Variants in MAGI2 observed in about 807,000 individuals in gnomAD.
The protein encoded by MAGI2 is membrane associated guanylate kinase, WW and PDZ domain containing 2, also known as membrane-associated guanylate kinase, WW and PDZ domain-containing protein 2.
A neutral mutation model predicts 133.3 loss-of-function variants in MAGI2; 35 were observed. That is an observed-to-expected ratio of 0.26 (90% confidence interval 0.20 to 0.35). The LOEUF (loss-of-function observed/expected upper bound fraction) is 0.35, where lower values mean the gene tolerates loss of function less well. MAGI2 is among the 10% of genes least tolerant of loss of function. The pLI, the probability that MAGI2 is intolerant of heterozygous loss-of-function variation, is 1.00. For missense variants in MAGI2, 1,636 were observed against 1,863.4 expected (o/e 0.88, Z 2.25); for synonymous variants, 729 against 710.6 (o/e 1.03, Z -0.41).
At chr7:79,351,090 G>A (rs989305462) in intron 1 of MAGI2, among the ~76,000 whole-genome samples, 1 of 152,070 alleles carries the variant, frequency 6.6e-6, no homozygotes, top group South Asian at 2.1e-4. Flanking sequence ...CTAAAACCAG[G>A]AAAAGTTGTA....
At chr7:79,086,634 T>G (rs962960214) in intron 1 of MAGI2, among the ~76,000 whole-genome samples, 3 of 151,858 alleles carry the variant, frequency 2.0e-5, no homozygotes, top group African/African-American at 7.2e-5. Context: ...TGGTTCTTAC[T>G]CTGCCATTCT....
intron 2 of MAGI2, among the ~76,000 whole-genome samples, chr7:78,789,685 C>T (rs1299797288): frequency 2.6e-5 from 4 of 152,260 alleles, no homozygotes; most frequent in African/African-American, 9.6e-5. Context: ...TTTATCATTT[C>T]CTAGTGTTAC....
chr7:79,124,802 GA>G, intron 1 of MAGI2: 1 of 164,716 alleles, frequency 6.1e-6, no homozygotes, highest in Non-Finnish European at 1.3e-5. Context: ...GTTGAGCTTT[GA>G]AACAACCCAT....
chr7:79,113,573 T>G (rs1819128618), intron 1 of MAGI2, among the ~76,000 whole-genome samples: 1 of 152,208 alleles, frequency 6.6e-6, no homozygotes, highest in Non-Finnish European at 1.5e-5. Context: ...CTGATCAAGA[T>G]GTTCATCTGT....
rs568112118 is a variant in MAGI2, at chr7:78,027,387, G to A, written c.3707-7411C>T. ...TCACACCTGTAATCCCAGCACTTTG[G>A]GAAGCCAAGGCGGGTGGATCACCTG... On this transcript the variant is annotated intron_variant, in intron 21 of 21. Coordinates refer to ENST00000354212, the MANE Select transcript of MAGI2 (RefSeq NM_012301.4). Among the ~76,000 whole-genome samples the A allele has an allele frequency of 5.4e-4, 82 of 152,242 alleles. 1 individual carries two copies. The highest frequency in any genetic ancestry group is 1.9e-3 in the African/African-American group (80 of 41,546).
At chr7:79,396,028 G>A (rs1044473845) in intron 1 of MAGI2, among the ~76,000 whole-genome samples, 1 of 151,960 alleles carries the variant, frequency 6.6e-6, no homozygotes, top group Non-Finnish European at 1.5e-5. Context: ...ATAAGGCTGG[G>A]GATTTCTTGA....
chr7:78,777,376 G>T (rs1038919182), intron 2 of MAGI2, among the ~76,000 whole-genome samples: 9 of 152,036 alleles, frequency 5.9e-5, no homozygotes, highest in African/African-American at 2.2e-4. Flanking sequence ...ATAGTTATCA[G>T]GCATTAAATA....
intron 6 of MAGI2, among the ~76,000 whole-genome samples, chr7:78,425,180 T>C (rs995414638): frequency 1.3e-5 from 2 of 152,206 alleles, no homozygotes; most frequent in East Asian, 1.9e-4. Flanking sequence ...GTTCTCATAA[T>C]GATGAATGAG....
intron 6 of MAGI2, among the ~76,000 whole-genome samples, chr7:78,403,005 T>C (rs944887930): frequency 1.3e-5 from 2 of 152,236 alleles, no homozygotes; most frequent in African/African-American, 4.8e-5. Flanking sequence ...AATTAACTTT[T>C]TTTTTAAAAT....
At chr7:78,636,812 C>A (rs186603842) in intron 2 of MAGI2, among the ~76,000 whole-genome samples, 192 of 151,640 alleles carry the variant, frequency 1.3e-3, no homozygotes, top group Admixed American at 3.1e-3. Context: ...AACAAAAAAA[C>A]CAAAACCAAA....
At chr7:78,255,406 C>A in intron 10 of MAGI2, 1 of 195,356 alleles carries the variant, frequency 5.1e-6, no homozygotes, top group Non-Finnish European at 1.0e-5. Flanking sequence ...CAGCATCATT[C>A]CAAACTGTGA....
rs1563117665 is a variant in MAGI2 at position 78,521,617 on chromosome 7, T to G, written c.567A>C (p.Pro189=). 1 of 1,614,144 alleles carries G rather than the reference T, an allele frequency of 6.2e-7. No individual in the cohort carries two copies. The highest frequency in any genetic ancestry group is 8.5e-7 in the Non-Finnish European group (1 of 1,180,008). ...EDNYYGTPKP[P]AEPAPLLLNV... ...TTAACAATAATGGTGCTGGTTCTGC[T>G]GGCGGCTTTGGGGTACCGTAGTAAT... Residue 189 remains proline (P), a synonymous_variant, in exon 4 of 22, where the codon CCA becomes CCC. Transcript: ENST00000354212.
rs1294387014 is a variant in MAGI2, at chr7:78,019,500, C to T, written c.4183G>A (p.Gly1395Ser). Residue 1395 changes from glycine to serine, a missense_variant, in exon 22 of 22, where the codon GGC (glycine) becomes AGC (serine). By Grantham distance (56) the Gly-to-Ser change is moderately conservative (BLOSUM62 0). Transcript: ENST00000354212. ...AAPAFAGPGG[G>S]GSGALEAEGR... is the part of the protein sequence containing the mutation. ...TCGGCCTCCAGCGCGCCGCTGCCGC[C>T]GCCGCCCGGGCCGGCAAACGCCGGC... The T allele has an allele frequency of 2.8e-5, 27 of 980,290 alleles. No homozygotes were observed. In the South Asian group the frequency reaches 5.5e-4, roughly 20 times the overall value. The allele number at this position is 980,290 out of a possible 1,614,324, so 60.7% of individuals were successfully genotyped here. A position where few individuals can be genotyped will look rare whatever the true frequency, so the allele number is the denominator to read the frequency against.
chr7:78,952,369 T>G (rs1801939355), intron 2 of MAGI2, among the ~76,000 whole-genome samples: 1 of 152,170 alleles, frequency 6.6e-6, no homozygotes, highest in Non-Finnish European at 1.5e-5. Flanking sequence ...GAGCACTGCT[T>G]TTTCTTTTCT....
intron 3 of MAGI2, among the ~76,000 whole-genome samples, chr7:78,575,381 G>A (rs966149471): frequency 2.4e-4 from 36 of 152,028 alleles, no homozygotes; most frequent in Admixed American, 2.0e-4. Flanking sequence ...AAAATCTCCC[G>A]TATAGAAGAA....
intron 1 of MAGI2, among the ~76,000 whole-genome samples, chr7:79,095,591 G>A (rs1261208624): frequency 6.6e-6 from 1 of 151,970 alleles, no homozygotes; most frequent in African/African-American, 2.4e-5. Flanking sequence ...CAATATTATT[G>A]TGTCTCAGGG....
At chr7:78,754,990 C>T (rs563343371) in intron 2 of MAGI2, among the ~76,000 whole-genome samples, 29 of 152,098 alleles carry the variant, frequency 1.9e-4, no homozygotes, top group Non-Finnish European at 3.8e-4. Context: ...CGGATGGTCT[C>T]TATTATGAAA....
chr7:78,726,977 A>T (rs1442933219), intron 2 of MAGI2, among the ~76,000 whole-genome samples: 1 of 152,038 alleles, frequency 6.6e-6, no homozygotes, highest in African/African-American at 2.4e-5. Flanking sequence ...TCTTAAATAA[A>T]TGTCTTTGAG....
intron 1 of MAGI2, among the ~76,000 whole-genome samples, chr7:79,261,580 T>C (rs1834093963): frequency 6.6e-6 from 1 of 152,152 alleles, no homozygotes. Flanking sequence ...CCCCTTTATG[T>C]AATGTTTCTA....
Sources: gnomAD v4.1 joint callset for allele counts (sites outside exome capture counted in the v4.1 genomes callset) on GRCh38, gnomAD v4.1.1 for gene constraint, MANE v1.5 for transcripts, NCBI Gene and HGNC (gene_info 2026-07-23, HGNC 2026-07-21) for gene names.